The following RASGEF1A variants were observed in gnomAD, a reference collection of about 807,000 sequenced individuals.
The protein encoded by RASGEF1A is RasGEF domain family member 1A, also known as ras-GEF domain-containing family member 1A.
RASGEF1A carries 18 observed loss-of-function variants against 56.4 expected under a neutral mutation model. That is an observed-to-expected ratio of 0.32 (90% confidence interval 0.22 to 0.47). The LOEUF (loss-of-function observed/expected upper bound fraction) is 0.47. Among genes scored for constraint, RASGEF1A ranks in the 20% least tolerant of loss-of-function variants. RASGEF1A has a pLI of 1.00. For missense variants in RASGEF1A, 422 were observed against 627.1 expected, an observed-to-expected ratio of 0.67 and a Z score of 3.49; for synonymous variants, 245 against 242.6, an observed-to-expected ratio of 1.01 and a Z score of -0.09.
chr10:43,242,506 C>G (rs913809096), intron 1 of RASGEF1A, among the ~76,000 whole-genome samples: 1 of 151,764 alleles, frequency 6.6e-6, no homozygotes, highest in Non-Finnish European at 1.5e-5. Context: ...CTCTCCCTCT[C>G]CCTCTCCCTC....
intron 1 of RASGEF1A, among the ~76,000 whole-genome samples, chr10:43,222,068 C>T (rs1554826995): frequency 6.6e-6 from 1 of 152,238 alleles, no homozygotes; most frequent in Non-Finnish European, 1.5e-5. Context: ...CAGCCCACTA[C>T]ACACCCAGGC....
intron 1 of RASGEF1A, among the ~76,000 whole-genome samples, chr10:43,242,409 A>C (rs1190304579): frequency 6.6e-6 from 1 of 152,224 alleles, no homozygotes; most frequent in Non-Finnish European, 1.5e-5. Context: ...AGACAATTCA[A>C]CAAAAATAGT....
rs1021641590 is a variant in RASGEF1A, at chr10:43,223,808, C to T, written c.-6-17686G>A. ...CACTTTGGGGGGCTCTAGTGAGAAC[C>T]TGTCTCTATTTCTTTAAAAAAATTA... On this transcript the variant is annotated intron_variant, in intron 1 of 12. Transcript: ENST00000395810. Among the ~76,000 whole-genome samples, 10 of 151,768 alleles carry T rather than the reference C, an allele frequency of 6.6e-5. No individual in the cohort carries two copies. The South Asian group carries it at 1.5e-3, about 22-fold the overall frequency.
intron 1 of RASGEF1A, among the ~76,000 whole-genome samples, chr10:43,253,759 C>A (rs528965725): frequency 6.6e-6 from 1 of 152,236 alleles, no homozygotes; most frequent in Non-Finnish European, 1.5e-5. Context: ...TCCGAAGAGG[C>A]AGGCCGGCCA....
chr10:43,266,163 G>A (rs1313028079), intron 1 of RASGEF1A, among the ~76,000 whole-genome samples: 2 of 152,204 alleles, frequency 1.3e-5, no homozygotes, highest in Non-Finnish European at 2.9e-5. Context: ...TCCACACACA[G>A]CAGGGGACTC....
At chr10:43,231,724 A>T (rs1012430684) in intron 1 of RASGEF1A, among the ~76,000 whole-genome samples, 4 of 152,244 alleles carry the variant, frequency 2.6e-5, no homozygotes, top group Admixed American at 2.6e-4. Context: ...CCTGACCCAC[A>T]TCCTTCCTGG....
chr10:43,215,359 A>C (rs944699735), intron 1 of RASGEF1A, among the ~76,000 whole-genome samples: 2 of 152,218 alleles, frequency 1.3e-5, no homozygotes, highest in Non-Finnish European at 2.9e-5. Flanking sequence ...TTTTTAGCTC[A>C]GCAAGCTGCA....
intron 1 of RASGEF1A, among the ~76,000 whole-genome samples, chr10:43,238,087 T>G (rs1840454610): frequency 2.4e-5 from 2 of 83,678 alleles, no homozygotes; most frequent in Admixed American, 1.1e-4. Context: ...GAGACCCGCC[T>G]TTGGGGGGCG....
intron 2 of RASGEF1A, among the ~76,000 whole-genome samples, chr10:43,204,039 C>T (rs907160916): frequency 6.6e-6 from 1 of 151,996 alleles, no homozygotes. Flanking sequence ...AGCAGGGCCC[C>T]TCCATACCAC....
At chr10:43,255,209 T>C (rs1488490042) in intron 1 of RASGEF1A, among the ~76,000 whole-genome samples, 1 of 152,166 alleles carries the variant, frequency 6.6e-6, no homozygotes, top group Non-Finnish European at 1.5e-5. Context: ...AAAGTCACTA[T>C]GCTGCACGGC....
At chr10:43,225,576 G>GT (rs1554827209) in intron 1 of RASGEF1A, among the ~76,000 whole-genome samples, 5,423 of 146,140 alleles carry the variant, frequency 0.037, 296 homozygotes, top group African/African-American at 0.13. Flanking sequence ...TCTGTGTATG[G>GT]GTGTGTGTGT....
rs76306135 is a variant in RASGEF1A, at chr10:43,199,665, T to C, written c.849+11A>G. 2.1e-3 allele frequency: 3,372 copies of C among 1,611,572 alleles called. 174 individuals carry two copies. The East Asian group carries it at 0.071, about 34-fold the overall frequency. ...GGCAGCCACCCCACCATGTCTGCCA[T>C]GGGCACTTACCCGGCACACCTCAGT... On this transcript the variant is annotated intron_variant, in intron 7 of 12. Transcript: ENST00000395810.
intron 1 of RASGEF1A, among the ~76,000 whole-genome samples, chr10:43,221,132 C>T (rs1325692162): frequency 1.3e-5 from 2 of 152,172 alleles, no homozygotes; most frequent in East Asian, 1.9e-4. Flanking sequence ...CGGGGGTCTG[C>T]GGTCCCTCTG....
chr10:43,227,525 G>A (rs1371775500), intron 1 of RASGEF1A, among the ~76,000 whole-genome samples: 1 of 152,218 alleles, frequency 6.6e-6, no homozygotes, highest in Non-Finnish European at 1.5e-5. Flanking sequence ...GGTGGCTCAA[G>A]CTAGCAGGCC....
rs1836638363 is a variant in RASGEF1A, at chr10:43,267,022, C to A, written c.-184G>T. Reference sequence around the variant, plus strand: ...GCAGAGCAGCTCCCTCCGCAGCCGGCGCCGGGGAGCGCGAGCGAGCGAGCG... The same window carrying A: ...GCAGAGCAGCTCCCTCCGCAGCCGGAGCCGGGGAGCGCGAGCGAGCGAGCG... On this transcript the variant is annotated 5_prime_UTR_variant, in exon 1 of 13. Transcript: ENST00000395810. 6.7e-6 allele frequency: 1 copy of A among 148,942 alleles called. No homozygotes were observed. The highest frequency in any genetic ancestry group is 2.4e-5 in the African/African-American group (1 of 41,054). The allele number at this position is 148,942 out of a possible 1,614,324, so 9.2% of individuals were successfully genotyped here. A position where few individuals can be genotyped will look rare whatever the true frequency, so the allele number is the denominator to read the frequency against.
At chr10:43,213,243 CAT>C (rs1328597493) in intron 1 of RASGEF1A, among the ~76,000 whole-genome samples, 1 of 151,622 alleles carries the variant, frequency 6.6e-6, no homozygotes, top group Non-Finnish European at 1.5e-5. Flanking sequence ...GTTTCCGACA[CAT>C]AGAAATTACA....
At chr10:43,213,534 G>A (rs2133196274) in intron 1 of RASGEF1A, among the ~76,000 whole-genome samples, 1 of 152,294 alleles carries the variant, frequency 6.6e-6, no homozygotes, top group South Asian at 2.1e-4. Flanking sequence ...AGTGCTATGA[G>A]AGATCCTGGG....
In RASGEF1A at chr10:43,201,817, C is replaced by T. The variant is rs1390450426; in HGVS notation, c.450G>A (p.Gln150=). The T allele has an allele frequency of 1.3e-6, 2 of 1,598,674 alleles. No individual in the cohort carries two copies. Among genetic ancestry groups the T allele is most frequent in the Non-Finnish European group, 1.7e-6 (2 of 1,169,254 alleles). ...CCCAGGGAGCACTCACCTCATCACA[C>T]TGGGTGACACGGTGTGTGATGGCTT... ...ELKAITHRVT[Q]CDEENGTVKK... Residue 150 remains glutamine (Q), a synonymous_variant, in exon 4 of 13, where the codon CAG becomes CAA. Transcript: ENST00000395810.
chr10:43,215,887 C>T (rs946337874), intron 1 of RASGEF1A, among the ~76,000 whole-genome samples: 4 of 152,154 alleles, frequency 2.6e-5, no homozygotes, highest in East Asian at 1.9e-4. Context: ...TCTGCCTGGG[C>T]GGTGAGGTTG....
Sources: gnomAD v4.1 joint callset for allele counts (sites outside exome capture counted in the v4.1 genomes callset) on GRCh38, gnomAD v4.1.1 for gene constraint, MANE v1.5 for transcripts, NCBI Gene and HGNC (gene_info 2026-07-23, HGNC 2026-07-21) for gene names.